The following DENND2B variants were observed in gnomAD, a reference collection of about 807,000 sequenced individuals.
DENND2B encodes DENN domain containing 2B.
In DENND2B, 32 loss-of-function variants were observed where a neutral mutation model predicts 116.0. The ratio of observed to expected loss-of-function variants is 0.28; its 90% CI spans 0.21 to 0.37. The LOEUF is 0.37. Ranked by LOEUF, DENND2B falls within the 10% of genes least tolerant of loss-of-function variation. The probability of loss-of-function intolerance (pLI) is 1.00; values close to 1 mark genes in which losing one functional copy is unlikely to be tolerated. For missense variants in DENND2B, 1,276 were observed against 1,477.7 expected (o/e 0.86, Z 2.24); for synonymous variants, 588 against 583.9 (o/e 1.01, Z -0.10).
intron 2 of DENND2B, among the ~76,000 whole-genome samples, chr11:8,744,149 G>T (rs10769949): frequency 0.65 from 93,093 of 143,416 alleles, 29,467 homozygotes; most frequent in Non-Finnish European, 0.7. Flanking sequence ...TTTTTTTTTT[G>T]GGGGACAGAG....
At chr11:8,791,944 C>A (rs1321634410) in intron 1 of DENND2B, among the ~76,000 whole-genome samples, 1 of 152,104 alleles carries the variant, frequency 6.6e-6, no homozygotes, top group Non-Finnish European at 1.5e-5. Flanking sequence ...GTGGCTCATG[C>A]CTGTAATCCC....
intron 2 of DENND2B, among the ~76,000 whole-genome samples, chr11:8,740,139 T>C (rs1190662550): frequency 2.0e-5 from 3 of 150,206 alleles, no homozygotes; most frequent in Non-Finnish European, 3.0e-5. Flanking sequence ...CAGTGAGCCA[T>C]GGTTACACCA....
Position 8,707,756 on chromosome 11 carries a change from A to C in DENND2B, c.2430+21T>G, listed in dbSNP as rs1000084387. On this transcript the variant is annotated intron_variant, in intron 12 of 19. Transcript: ENST00000313726. The surrounding 1 kb of genome is among the most constrained non-coding windows in gnomAD (Gnocchi z 4.8). ...GCTGTCAGCTGGGGGACGGGGAGGG[A>C]AGCCTGCCAGAGCCTCTTACCTTGG... 4.4e-6 allele frequency: 7 copies of C among 1,593,612 alleles called. No homozygotes were observed. The highest frequency in any genetic ancestry group is 1.7e-4 in the Middle Eastern group (1 of 5,992).
At chr11:8,755,441 G>A (rs1160758453) in intron 1 of DENND2B, among the ~76,000 whole-genome samples, 1 of 152,120 alleles carries the variant, frequency 6.6e-6, no homozygotes, top group Non-Finnish European at 1.5e-5. Flanking sequence ...TTTTAACTTC[G>A]CATAAGCTCT....
chr11:8,847,816 C>T (rs1327231321), intron 3 of DENND2B, among the ~76,000 whole-genome samples: 1 of 152,048 alleles, frequency 6.6e-6, no homozygotes. Context: ...ATATAAAATA[C>T]AAAAATATAT....
intron 1 of DENND2B, among the ~76,000 whole-genome samples, chr11:8,796,182 A>G (rs1299603567): frequency 6.6e-6 from 1 of 152,156 alleles, no homozygotes; most frequent in African/African-American, 2.4e-5. Flanking sequence ...CACTGCATAC[A>G]TTTTCATTTC....
chr11:8,706,899 C>T (rs939139359), intron 13 of DENND2B, among the ~76,000 whole-genome samples, 186 bp downstream of exon 13: 1 of 152,176 alleles, frequency 6.6e-6, no homozygotes, highest in Non-Finnish European at 1.5e-5. Flanking sequence ...CTGGGAGGAA[C>T]AGAGGGCTGG....
chr11:8,810,994 CAGTG>C (rs1566001860), upstream of DENND2B: 1 of 294,900 alleles, frequency 3.4e-6, no homozygotes, highest in East Asian at 5.5e-5. Context: ...AGGGAGAAGA[CAGTG>C]AGTGGACTTG....
At chr11:8,755,175 T>C (rs758328027) in intron 1 of DENND2B, among the ~76,000 whole-genome samples, 1 of 152,212 alleles carries the variant, frequency 6.6e-6, no homozygotes, top group Non-Finnish European at 1.5e-5. Flanking sequence ...TCACGGAAGC[T>C]GAACAGTTTA....
At chr11:8,714,458 C>A (rs1164733046) in intron 7 of DENND2B, 152 bp downstream of exon 7, 13 of 670,496 alleles carry the variant, frequency 1.9e-5, no homozygotes, top group Non-Finnish European at 3.0e-5. Context: ...TCTGAAGGAA[C>A]CCATCCCAGA....
chr11:8,717,392 G>A, intron 5 of DENND2B, among the ~76,000 whole-genome samples: 1 of 152,206 alleles, frequency 6.6e-6, no homozygotes, highest in Non-Finnish European at 1.5e-5. Flanking sequence ...GTTTCCCACA[G>A]GGTGATAAAT....
intron 3 of DENND2B, among the ~76,000 whole-genome samples, chr11:8,850,323 C>G (rs2062961786): frequency 6.7e-6 from 1 of 150,350 alleles, no homozygotes; most frequent in African/African-American, 2.5e-5. Context: ...GGGTTAATAC[C>G]CAAAATATAT....
chr11:8,709,523 C>T (rs1312394270), intron 11 of DENND2B, among the ~76,000 whole-genome samples: 1 of 152,196 alleles, frequency 6.6e-6, no homozygotes, highest in Non-Finnish European at 1.5e-5. Flanking sequence ...CCCAGGCGGC[C>T]AGAGGCATGC....
chr11:8,865,735 G>T (rs2063550654), intron 2 of DENND2B, among the ~76,000 whole-genome samples: 2 of 71,810 alleles, frequency 2.8e-5, no homozygotes, highest in African/African-American at 8.2e-5. Flanking sequence ...GTTTCCCAGG[G>T]AAATTGTGAG....
upstream of DENND2B, chr11:8,811,239 C>T (rs1339984298): frequency 2.5e-6 from 1 of 398,618 alleles, no homozygotes; most frequent in Non-Finnish European, 4.4e-6. Flanking sequence ...ACTGGCCTCT[C>T]TGCTTACCTT....
chr11:8,870,088 T>G (rs1248690488), intron 2 of DENND2B, among the ~76,000 whole-genome samples: 1 of 152,200 alleles, frequency 6.6e-6, no homozygotes, highest in Non-Finnish European at 1.5e-5. Context: ...GATGGGATAA[T>G]GACCTCTTTG....
chr11:8,756,084 T>C (rs2053560089), intron 1 of DENND2B, among the ~76,000 whole-genome samples: 1 of 152,196 alleles, frequency 6.6e-6, no homozygotes. Flanking sequence ...ACTGTAGCAA[T>C]GATCACAGTA....
chr11:8,750,819 G>T (rs2052269047), intron 1 of DENND2B, 94 bp from the exon 2 acceptor site: 2 of 1,118,252 alleles, frequency 1.8e-6, no homozygotes, highest in Non-Finnish European at 1.3e-6. Context: ...TGCCAAGAGG[G>T]TGTCTGTGGC....
At chr11:8,847,739 T>C (rs1040272279) in intron 3 of DENND2B, among the ~76,000 whole-genome samples, 1 of 152,132 alleles carries the variant, frequency 6.6e-6, no homozygotes, top group Non-Finnish European at 1.5e-5. Flanking sequence ...GTAAGGTCCA[T>C]ACTAAATGAA....
Sources: allele counts gnomAD v4.1 joint callset (sites outside exome capture counted in the v4.1 genomes callset), GRCh38; gene constraint gnomAD v4.1.1; non-coding constraint Gnocchi (gnomAD v3.1); transcripts MANE v1.5; gene names NCBI Gene and HGNC (gene_info 2026-07-23, HGNC 2026-07-21).